The following NFASC variants were observed in gnomAD, a reference collection of about 807,000 sequenced individuals.
NFASC encodes the protein neurofascin.
Under a neutral mutation model 147.5 loss-of-function variants are expected in NFASC, and 43 were observed. The ratio of observed to expected loss-of-function variants is 0.29; its 90% CI spans 0.23 to 0.38. The LOEUF is 0.38. Among genes scored for constraint, NFASC ranks in the 10% least tolerant of loss-of-function variants. NFASC has a pLI of 1.00. For missense variants in NFASC, 1,320 were observed against 1,689.0 expected (o/e 0.78, Z 3.83); for synonymous variants, 622 against 665.5 (o/e 0.93, Z 1.01).
chr1:204,860,148 AG>A (rs2076534812), intron 1 of NFASC, among the ~76,000 whole-genome samples: 1 of 152,186 alleles, frequency 6.6e-6, no homozygotes, highest in Non-Finnish European at 1.5e-5. Flanking sequence ...CTGATGGCCC[AG>A]GAGAGATAGC....
At chr1:204,930,077 G>A (rs1362236072) in intron 2 of NFASC, among the ~76,000 whole-genome samples, 2 of 152,172 alleles carry the variant, frequency 1.3e-5, no homozygotes, top group African/African-American at 4.8e-5. Context: ...AGAACCCAGT[G>A]CAGCCAAGCC....
At chr1:204,978,939 GA>G in intron 17 of NFASC, 28 bp from the exon 18 acceptor site, 1 of 1,520,178 alleles carries the variant, frequency 6.6e-7, no homozygotes. Flanking sequence ...TCTAACTCAG[GA>G]GGCCTGCGTG....
intron 1 of NFASC, among the ~76,000 whole-genome samples, chr1:204,894,080 G>A (rs1203463633): frequency 6.6e-6 from 1 of 152,162 alleles, no homozygotes; most frequent in East Asian, 1.9e-4. Context: ...CTTTGTACCT[G>A]GATGTATCAC....
At chr1:204,901,701 G>A (rs979001532) in intron 1 of NFASC, among the ~76,000 whole-genome samples, 2 of 152,118 alleles carry the variant, frequency 1.3e-5, no homozygotes, top group African/African-American at 2.4e-5. Context: ...GGGAGAGTGG[G>A]GGCAAGGGAG....
intron 1 of NFASC, among the ~76,000 whole-genome samples, chr1:204,881,505 C>T (rs2080221859): frequency 6.6e-6 from 1 of 152,200 alleles, no homozygotes. Flanking sequence ...GAGTCACTAT[C>T]CAGTTGAGCT....
At chr1:204,844,846 T>G (rs1042990751) in intron 1 of NFASC, among the ~76,000 whole-genome samples, 55 of 152,286 alleles carry the variant, frequency 3.6e-4, no homozygotes, top group African/African-American at 1.3e-3. Context: ...ATCAGAGGCT[T>G]GGACTGCTTC....
Position 204,986,197 on chromosome 1 carries a change from C to A in NFASC, c.2471-1221C>A. On this transcript the variant is annotated intron_variant, in intron 21 of 29. Transcript: ENST00000339876. This position sits in a 1 kb window ranked among gnomAD's most constrained non-coding sequence, Gnocchi z 4.2. ...GGCCTGGAGAAACTCCAGCGTGGCTCAGCATGGATGGCACAAGGTGACTTC... is the reference window on the plus strand; with the variant it reads ...GGCCTGGAGAAACTCCAGCGTGGCTAAGCATGGATGGCACAAGGTGACTTC... The A allele has an allele frequency of 9.6e-7, 1 of 1,042,920 alleles. No individual in the cohort carries two copies. The highest frequency in any genetic ancestry group is 1.5e-6 in the Non-Finnish European group (1 of 677,952). The allele number at this position is 1,042,920 out of a possible 1,614,324, so 64.6% of individuals were successfully genotyped here. A position where few individuals can be genotyped will look rare whatever the true frequency, so the allele number is the denominator to read the frequency against.
At chr1:204,918,584 C>CTTTTTT (rs71147720) in intron 1 of NFASC, among the ~76,000 whole-genome samples, 3 of 124,834 alleles carry the variant, frequency 2.4e-5, no homozygotes, top group Non-Finnish European at 3.3e-5. Flanking sequence ...TTCTTTGAAA[C>CTTTTTT]TTTTTTTTTT....
At position 204,968,252 on chromosome 1, in the gene NFASC, G is replaced by T. The variant is rs779937217; in HGVS notation, c.710G>T (p.Arg237Leu). 50 of 1,613,136 alleles carry T rather than the reference G, an allele frequency of 3.1e-5. No individual in the cohort carries two copies. Among genetic ancestry groups the T allele is most frequent in the Non-Finnish European group, 4.2e-5 (49 of 1,179,188 alleles). The change falls in exon 9 of 30, where the codon CGA becomes CTA. Residue 237 changes from arginine to leucine, a missense_variant. Transcript: ENST00000339876. The surrounding 1 kb of genome is among the most constrained non-coding windows in gnomAD (Gnocchi z 5.4). ...AGTTTGTTCTCTCCTGTTTCAGCCC[G>T]AGGAGTTGCAGAAAGAACACCAAGC... ...NPFTLKVLTT[R>L]GVAERTPSFM...
chr1:204,982,220 T>C (rs1346262989), intron 21 of NFASC, among the ~76,000 whole-genome samples, 200 bp downstream of exon 21: 1 of 152,206 alleles, frequency 6.6e-6, no homozygotes, highest in Non-Finnish European at 1.5e-5. Flanking sequence ...TAGTTGGAAT[T>C]ACTGAATGTC....
intron 1 of NFASC, among the ~76,000 whole-genome samples, chr1:204,839,368 AACACACACACACACACAC>A (rs55784616): frequency 0.018 from 2,371 of 135,184 alleles, 58 homozygotes; most frequent in African/African-American, 0.055. Flanking sequence ...GCACGTATGA[AACACACACACACACACAC>A]ACACACACAC....
chr1:204,844,692 G>A (rs1316516977), intron 1 of NFASC, among the ~76,000 whole-genome samples: 1 of 152,192 alleles, frequency 6.6e-6, no homozygotes, highest in East Asian at 1.9e-4. Context: ...TAAAGAAAGA[G>A]GAGAGAGACA....
chr1:204,926,406 A>ATTTTTT (rs1202294421), intron 2 of NFASC, among the ~76,000 whole-genome samples: 26 of 14,080 alleles, frequency 1.8e-3, no homozygotes, highest in Non-Finnish European at 3.2e-3. Context: ...ATATATATAT[A>ATTTTTT]TTTTTTTTTT....
intron 1 of NFASC, among the ~76,000 whole-genome samples, chr1:204,903,111 A>C (rs796394573): frequency 2.0e-5 from 3 of 152,324 alleles, no homozygotes; most frequent in African/African-American, 7.2e-5. Flanking sequence ...TGACTAGATG[A>C]TTGCCAAGTC....
chr1:204,976,934 C>T (rs923676374), intron 16 of NFASC, 139 bp downstream of exon 16: 12 of 1,434,332 alleles, frequency 8.4e-6, no homozygotes, highest in South Asian at 7.5e-5. Flanking sequence ...CTTCTTGCCT[C>T]GTGATGTCAG....
intron 1 of NFASC, among the ~76,000 whole-genome samples, chr1:204,849,458 C>T (rs1412583266): frequency 6.6e-6 from 1 of 152,114 alleles, no homozygotes; most frequent in East Asian, 1.9e-4. Context: ...ATTGCTGGGC[C>T]CTGCCCACAC....
At position 204,971,077 on chromosome 1, in the gene NFASC, C is replaced by T. The variant is rs375230834; in HGVS notation, c.1135+330C>T. ...GATGGCCTGGGGACTGTGGCTGCAT[C>T]TCTGGGTGGTTGGGCTTTGAGTGAT... On this transcript the variant is annotated intron_variant, in intron 11 of 29. Transcript: ENST00000339876. Among the ~76,000 whole-genome samples, 8 of 152,280 alleles carry T rather than the reference C, an allele frequency of 5.3e-5. No homozygotes were observed. In the South Asian group the frequency reaches 8.3e-4, roughly 16 times the overall value.
intron 28 of NFASC, 84 bp downstream of exon 28, chr1:205,009,772 G>A (rs565090455): frequency 2.8e-6 from 4 of 1,428,254 alleles, no homozygotes; most frequent in African/African-American, 2.8e-5. Flanking sequence ...CAGATCCGGG[G>A]AATGTGTTCT....
intron 2 of NFASC, among the ~76,000 whole-genome samples, chr1:204,939,038 A>ATGTGTGTGTGTGTGTGTGTGTG (rs60166382): frequency 2.4e-5 from 3 of 123,670 alleles, no homozygotes; most frequent in Non-Finnish European, 3.4e-5. Context: ...GTATGGATGG[A>ATGTGTGTGTGTGTGTGTGTGTG]TGTGTGTGTG....
Sources: allele counts gnomAD v4.1 joint callset (sites outside exome capture counted in the v4.1 genomes callset), GRCh38; gene constraint gnomAD v4.1.1; non-coding constraint Gnocchi (gnomAD v3.1); transcripts MANE v1.5; gene names NCBI Gene and HGNC (gene_info 2026-07-23, HGNC 2026-07-21).